The following RAB3GAP1 variants were observed in gnomAD, a reference collection of about 807,000 sequenced individuals.
RAB3GAP1 encodes RAB3 GTPase activating protein catalytic subunit 1.
Under a neutral mutation model 130.7 loss-of-function variants are expected in RAB3GAP1, and 86 were observed. The ratio of observed to expected loss-of-function variants is 0.66; its 90% confidence interval spans 0.55 to 0.79. RAB3GAP1 has a LOEUF of 0.79. Ranked by LOEUF, RAB3GAP1 falls within the 30% of genes least tolerant of loss-of-function variation. The pLI is 0.00. For synonymous variants in RAB3GAP1, 367 were observed against 401.7 expected (o/e 0.91, Z 1.03); for missense variants, 1,029 against 1,169.4 (o/e 0.88, Z 1.75).
Position 135,063,599 on chromosome 2 carries a change from T to C in RAB3GAP1, c.150+5513T>C, listed in dbSNP as rs7599520. ...TTTTTTGTGTGTGTGTCTGGCTTAT[T>C]TCACATAGCATAATGTCTTCAAGGT... On this transcript the variant is annotated intron_variant, in intron 3 of 23. Coordinates refer to ENST00000264158, the MANE Select transcript of RAB3GAP1 (RefSeq NM_012233.3). Among the ~76,000 whole-genome samples the C allele has an allele frequency of 7.7e-3, 1,178 of 152,280 alleles. 14 individuals are homozygous for C. Among genetic ancestry groups the C allele is most frequent in the African/African-American group, 0.027 (1,109 of 41,566 alleles).
Position 135,169,794 on chromosome 2 carries a change from A to G in RAB3GAP1, c.*1013A>G. 1 of 455,614 alleles carries G rather than the reference A, an allele frequency of 2.2e-6. No individual in the cohort carries two copies. Among genetic ancestry groups the G allele is most frequent in the Non-Finnish European group, 4.4e-6 (1 of 226,418 alleles). The allele number at this position is 455,614 out of a possible 1,614,324, so 28.2% of individuals were successfully genotyped here. ...GTGAGGATGACATCACCACATTTCTAGTTTCATGGAGCTCAAGATGTCTTG... is the reference window on the plus strand; with the variant it reads ...GTGAGGATGACATCACCACATTTCTGGTTTCATGGAGCTCAAGATGTCTTG... On this transcript the variant is annotated 3_prime_UTR_variant, in exon 24 of 24. Coordinates refer to ENST00000264158, the MANE Select transcript of RAB3GAP1 (RefSeq NM_012233.3).
chr2:135,069,350 T>C (rs1689406472), intron 3 of RAB3GAP1, among the ~76,000 whole-genome samples: 1 of 152,224 alleles, frequency 6.6e-6, no homozygotes, highest in Non-Finnish European at 1.5e-5. Context: ...TCTTGTACCT[T>C]TTAAAATAAC....
chr2:135,121,707 T>C (rs1691207105), intron 8 of RAB3GAP1, among the ~76,000 whole-genome samples: 1 of 152,198 alleles, frequency 6.6e-6, no homozygotes, highest in South Asian at 2.1e-4. Flanking sequence ...AGAAATAAAA[T>C]AAACTAATAT....
At chr2:135,116,160 C>A (rs1183557424) in intron 7 of RAB3GAP1, among the ~76,000 whole-genome samples, 1 of 152,164 alleles carries the variant, frequency 6.6e-6, no homozygotes, top group East Asian at 1.9e-4. Context: ...AATAAACTGA[C>A]ATCATGTGTC....
chr2:135,070,235 T>G (rs1689428573), intron 3 of RAB3GAP1, among the ~76,000 whole-genome samples: 1 of 152,208 alleles, frequency 6.6e-6, no homozygotes, highest in African/African-American at 2.4e-5. Context: ...CAAGGCAACT[T>G]GGAAATGTGT....
intron 17 of RAB3GAP1, among the ~76,000 whole-genome samples, chr2:135,147,613 C>CCG (rs1692037518): frequency 1.4e-5 from 2 of 139,504 alleles, no homozygotes; most frequent in South Asian, 2.8e-4. Context: ...ATAGTAGTCC[C>CCG]CTCCCCCCCC....
rs550325115 is a variant in RAB3GAP1, at chr2:135,052,329, A to G, written c.18+4A>G. On this transcript the variant is annotated splice_donor_region_variant and intron_variant, in intron 1 of 23. Coordinates refer to ENST00000264158, the MANE Select transcript of RAB3GAP1 (RefSeq NM_012233.3). Reference sequence around the variant, plus strand: ...CAAGATGGCTGCCGACAGTGAGGTGATTTCTTTGCTCCCTACTTAATCCTT... The same window carrying G: ...CAAGATGGCTGCCGACAGTGAGGTGGTTTCTTTGCTCCCTACTTAATCCTT... 1.5e-4 allele frequency: 245 copies of G among 1,613,938 alleles called. 4 individuals carry two copies. The South Asian group carries it at 2.5e-3, about 17-fold the overall frequency.
chr2:135,056,628 A>T (rs1689020078), intron 2 of RAB3GAP1, among the ~76,000 whole-genome samples: 1 of 152,174 alleles, frequency 6.6e-6, no homozygotes, highest in East Asian at 1.9e-4. Context: ...TAGCTTCGTA[A>T]ATATAGTATA....
chr2:135,107,098 GAAA>G (rs1159826826), intron 5 of RAB3GAP1, among the ~76,000 whole-genome samples: 2 of 93,192 alleles, frequency 2.1e-5, no homozygotes, highest in African/African-American at 3.6e-5. Flanking sequence ...CTGAAAGGGA[GAAA>G]AAAAAAAAAA....
chr2:135,075,449 A>G (rs1689604480), intron 3 of RAB3GAP1, among the ~76,000 whole-genome samples: 1 of 152,148 alleles, frequency 6.6e-6, no homozygotes, highest in African/African-American at 2.4e-5. Context: ...TTTTTTAAAA[A>G]CTGTATCTTG....
intron 17 of RAB3GAP1, among the ~76,000 whole-genome samples, chr2:135,146,214 T>TG (rs1370314536): frequency 2.7e-5 from 4 of 146,318 alleles, no homozygotes; most frequent in African/African-American, 1.0e-4. Context: ...TTTTTTTTTT[T>TG]TTTTTTTTGA....
At chr2:135,135,211 C>A in intron 15 of RAB3GAP1, 54 bp from the exon 16 acceptor site, 1 of 1,391,606 alleles carries the variant, frequency 7.2e-7, no homozygotes, top group Non-Finnish European at 1.0e-6. Flanking sequence ...ATAATCATAT[C>A]TGAAGCAATT....
intron 19 of RAB3GAP1, among the ~76,000 whole-genome samples, chr2:135,159,822 G>C (rs750941987): frequency 6.6e-6 from 1 of 152,244 alleles, no homozygotes; most frequent in Non-Finnish European, 1.5e-5. Context: ...ATGAAGCACT[G>C]ATATGTGTTA....
intron 2 of RAB3GAP1, among the ~76,000 whole-genome samples, chr2:135,057,189 T>C (rs1348120177): frequency 6.6e-6 from 1 of 152,196 alleles, no homozygotes; most frequent in African/African-American, 2.4e-5. Flanking sequence ...GACCTGTCAC[T>C]TATACTTAAA....
At chr2:135,057,917 G>A (rs1689059514) in intron 2 of RAB3GAP1, 94 bp from the exon 3 acceptor site, 5 of 934,354 alleles carry the variant, frequency 5.4e-6, no homozygotes, top group East Asian at 2.7e-5. Context: ...TGGTCAAATT[G>A]TTAAAATATA....
chr2:135,121,414 T>G (rs992792904), intron 8 of RAB3GAP1, among the ~76,000 whole-genome samples: 1 of 152,164 alleles, frequency 6.6e-6, no homozygotes, highest in Non-Finnish European at 1.5e-5. Flanking sequence ...ATAATCAAAA[T>G]CAATTTGCCT....
intron 13 of RAB3GAP1, 91 bp downstream of exon 13, chr2:135,130,812 G>T: frequency 8.3e-7 from 1 of 1,210,084 alleles, no homozygotes; most frequent in Non-Finnish European, 1.2e-6. Context: ...CAGTGACCTT[G>T]GAATATACAA....
chr2:135,169,153 C>A lies in RAB3GAP1; in HGVS notation c.*372C>A. The A allele has an allele frequency of 3.0e-6, 1 of 331,072 alleles. No homozygotes were observed. Among genetic ancestry groups the A allele is most frequent in the South Asian group, 2.9e-5 (1 of 34,586 alleles). The allele number at this position is 331,072 out of a possible 1,614,324, so 20.5% of individuals were successfully genotyped here. On this transcript the variant is annotated 3_prime_UTR_variant, in exon 24 of 24. Coordinates refer to ENST00000264158, the MANE Select transcript of RAB3GAP1 (RefSeq NM_012233.3). ...GCTGCATTCGTGGTCTGTGCAAACA[C>A]TTCGTGGTTCTATATATCAGCAGCA...
chr2:135,148,556 G>A (rs1692073053), intron 17 of RAB3GAP1, among the ~76,000 whole-genome samples: 1 of 147,332 alleles, frequency 6.8e-6, no homozygotes, highest in Non-Finnish European at 1.5e-5. Context: ...GTGCAGTGGC[G>A]TGATCTTGGC....
Sources: gnomAD v4.1 joint callset for allele counts (sites outside exome capture counted in the v4.1 genomes callset) on GRCh38, gnomAD v4.1.1 for gene constraint, MANE v1.5 for transcripts, NCBI Gene and HGNC (gene_info 2026-07-23, HGNC 2026-07-21) for gene names.